Variants in SLC13A2 observed in about 807,000 individuals in gnomAD.
SLC13A2 encodes solute carrier family 13 member 2, also known as Na(+)-coupled citrate transporter.
SLC13A2 carries 40 observed loss-of-function variants against 58.5 expected under a neutral mutation model. That is an observed-to-expected ratio of 0.68 (90% CI 0.53 to 0.89). The LOEUF is 0.89. Ranked by LOEUF, SLC13A2 falls within the 40% of genes least tolerant of loss-of-function variation. The pLI is 0.00. For synonymous variants in SLC13A2, 341 were observed against 331.6 expected, an observed-to-expected ratio of 1.03 and a Z score of -0.31; for missense variants, 694 against 772.6, an observed-to-expected ratio of 0.90 and a Z score of 1.21.
intron 6 of SLC13A2, 48 bp from the exon 7 acceptor site, chr17:28,493,523 C>T: frequency 1.3e-6 from 2 of 1,507,570 alleles, no homozygotes; most frequent in Non-Finnish European, 1.8e-6. Flanking sequence ...CCCCTTGCTC[C>T]CTGCTGGAGC....
chr17:28,488,434 C>T (rs1168682907), intron 1 of SLC13A2, among the ~76,000 whole-genome samples: 1 of 152,130 alleles, frequency 6.6e-6, no homozygotes, highest in Non-Finnish European at 1.5e-5. Context: ...TGGGAAGCCT[C>T]CTGGCTAATG....
At position 28,493,639 on chromosome 17, in the gene SLC13A2, A is replaced by C; in HGVS notation, c.947A>C (p.Gln316Pro). 6.2e-7 allele frequency: 1 copy of C among 1,614,184 alleles called. No homozygotes were observed. The highest frequency in any genetic ancestry group is 8.5e-7 in the Non-Finnish European group (1 of 1,179,998). The stretch of plus-strand genomic sequence containing the variant: ...CAGCAGGCAGCCTACTGCGTCATCC[A>C]GACCGAGCACAGGCTGCTGGGCCCC... ...EQQQAAYCVIQTEHRLLGPMT... is the reference protein window; with the variant it reads ...EQQQAAYCVIPTEHRLLGPMT... Residue 316 changes from glutamine (Q) to proline (P), a missense_variant, in exon 7 of 12, where the codon CAG becomes CCG. Coordinates refer to ENST00000314669, the MANE Select transcript of SLC13A2 (RefSeq NM_003984.4).
At chr17:28,477,982 C>T (rs576859248) in intron 1 of SLC13A2, among the ~76,000 whole-genome samples, 5 of 152,066 alleles carry the variant, frequency 3.3e-5, no homozygotes, top group Middle Eastern at 3.4e-3. Flanking sequence ...CGCTTGAACC[C>T]GGGAGGCGGA....
In SLC13A2 at chr17:28,494,213, C is replaced by A; in HGVS notation, c.1186+108C>A. On this transcript the variant is annotated intron_variant, in intron 8 of 11. Coordinates refer to ENST00000314669, the MANE Select transcript of SLC13A2 (RefSeq NM_003984.4). This position sits in a 1 kb window ranked among gnomAD's most constrained non-coding sequence, Gnocchi z 4.0. ...CAGGAGTAGGCAAAGCCCAGAAAGG[C>A]TGGAGCGACTTGCCAAGGGCACAGG... The A allele has an allele frequency of 6.8e-7, 1 of 1,471,994 alleles. No individual in the cohort carries two copies. The highest frequency in any genetic ancestry group is 1.8e-5 in the Admixed American group (1 of 55,758). The allele number at this position is 1,471,994 out of a possible 1,614,324, so 91.2% of individuals were successfully genotyped here.
At position 28,495,639 on chromosome 17, in the gene SLC13A2, C is replaced by T. The variant is rs2069124151; in HGVS notation, c.1309-16C>T. On this transcript the variant is annotated splice_polypyrimidine_tract_variant and intron_variant, in intron 9 of 11. Coordinates refer to ENST00000314669, the MANE Select transcript of SLC13A2 (RefSeq NM_003984.4). ...GGCAGCCTTGCCTCTCACATGCCAT[C>T]CTCCTCTGCCCACAGCGATCGGGCC... The T allele has an allele frequency of 6.2e-7, 1 of 1,602,946 alleles. No homozygotes were observed. Among genetic ancestry groups the T allele is most frequent in the African/African-American group, 1.3e-5 (1 of 74,864 alleles).
At chr17:28,491,318 T>C in intron 4 of SLC13A2, 119 bp from the exon 5 acceptor site, 1 of 1,140,002 alleles carries the variant, frequency 8.8e-7, no homozygotes, top group Non-Finnish European at 1.3e-6. Flanking sequence ...TCTGTCCTCC[T>C]TCCAGCCCCG....
intron 4 of SLC13A2, 74 bp from the exon 5 acceptor site, chr17:28,491,363 G>A (rs1489043635): frequency 6.5e-7 from 1 of 1,528,110 alleles, no homozygotes; most frequent in Non-Finnish European, 8.9e-7. Flanking sequence ...ACCCTGGAGG[G>A]CCTTGCAGCC....
chr17:28,494,604 A>T lies in SLC13A2; in HGVS notation c.1308+92A>T. The T allele has an allele frequency of 6.4e-7, 1 of 1,562,018 alleles. No homozygotes were observed. Among genetic ancestry groups the T allele is most frequent in the Non-Finnish European group, 8.7e-7 (1 of 1,150,334 alleles). On this transcript the variant is annotated intron_variant, in intron 9 of 11. Transcript: ENST00000314669. The surrounding 1 kb of genome is among the most constrained non-coding windows in gnomAD (Gnocchi z 4.0). Reference sequence around the variant, plus strand: ...CCTGCTTCTGTCCCACAGAGGGGAGACCTGGTCCCCACGTAGGAGCCTCTC... The same window carrying T: ...CCTGCTTCTGTCCCACAGAGGGGAGTCCTGGTCCCCACGTAGGAGCCTCTC...
intron 1 of SLC13A2, among the ~76,000 whole-genome samples, chr17:28,478,048 G>A (rs541688976): frequency 6.6e-6 from 1 of 151,784 alleles, no homozygotes; most frequent in Non-Finnish European, 1.5e-5. Flanking sequence ...ACAGAGCAAG[G>A]CTCAGTCTCA....
intron 1 of SLC13A2, among the ~76,000 whole-genome samples, chr17:28,486,498 G>T (rs1273583319): frequency 6.6e-6 from 1 of 152,196 alleles, no homozygotes; most frequent in African/African-American, 2.4e-5. Context: ...TAGGAGGTGG[G>T]ATGGGGAGGC....
intron 1 of SLC13A2, among the ~76,000 whole-genome samples, chr17:28,477,186 GT>G (rs1251199584): frequency 2.5e-5 from 3 of 119,430 alleles, no homozygotes; most frequent in African/African-American, 1.0e-4. Context: ...AAACACCCAA[GT>G]TTTTTGTTTT....
rs1555603997 is a variant in SLC13A2 at position 28,493,696 on chromosome 17, T to C, written c.1004T>C (p.Leu335Pro). The C allele has an allele frequency of 1.2e-6, 2 of 1,614,252 alleles. No homozygotes were observed. The highest frequency in any genetic ancestry group is 3.3e-5 in the Admixed American group (2 of 60,030). Reference sequence around the variant, plus strand: ...TTTGCAGAAAAGGCCATCAGCATCCTATTCGTCATCCTGGTGCTGCTCTGG... The same window carrying C: ...TTTGCAGAAAAGGCCATCAGCATCCCATTCGTCATCCTGGTGCTGCTCTGG... ...MTFAEKAISI[L>P]FVILVLLWFT... is the part of the protein sequence containing the mutation. The change falls in exon 7 of 12, where the codon CTA (leucine) becomes CCA (proline). Residue 335 changes from leucine (L) to proline (P), a missense_variant. Transcript: ENST00000314669.
chr17:28,490,616 G>T (rs782142663), intron 3 of SLC13A2, 26 bp downstream of exon 3: 9 of 1,589,838 alleles, frequency 5.7e-6, no homozygotes, highest in African/African-American at 1.3e-5. Flanking sequence ...AAACCAGCAC[G>T]GGAGAACCTG....
chr17:28,487,860 C>T lies in SLC13A2; in HGVS notation c.103-1354C>T, dbSNP rs77278506. Among the ~76,000 whole-genome samples, 1,385 of 152,230 alleles carry T rather than the reference C, an allele frequency of 9.1e-3. 25 individuals are homozygous for T. Among genetic ancestry groups the T allele is most frequent in the African/African-American group, 0.031 (1,294 of 41,528 alleles). ...TTGGCTTCGGACAGATTTGGTGGGG[C>T]TATGTGCAGTTGGGCAGGCTACACA... On this transcript the variant is annotated intron_variant, in intron 1 of 11. Coordinates refer to ENST00000314669, the MANE Select transcript of SLC13A2 (RefSeq NM_003984.4).
At chr17:28,488,667 G>T (rs1555602465) in intron 1 of SLC13A2, among the ~76,000 whole-genome samples, 1 of 152,204 alleles carries the variant, frequency 6.6e-6, no homozygotes, top group Non-Finnish European at 1.5e-5. Context: ...AATGTAAATT[G>T]CTCCTCTGGA....
chr17:28,491,882 AG>A, intron 6 of SLC13A2, 30 bp downstream of exon 6: 1 of 1,610,794 alleles, frequency 6.2e-7, no homozygotes, highest in Non-Finnish European at 8.5e-7. Flanking sequence ...AGAGAAGCCC[AG>A]GTCCCTGCCC....
chr17:28,489,298 C>T lies in SLC13A2; in HGVS notation c.187C>T (p.Pro63Ser), dbSNP rs781976085. The T allele has an allele frequency of 6.2e-7, 1 of 1,614,122 alleles. No homozygotes were observed. Among genetic ancestry groups the T allele is most frequent in the Non-Finnish European group, 8.5e-7 (1 of 1,180,040 alleles). Residue 63 changes from proline (P) to serine (S), a missense_variant, in exon 2 of 12, where the codon CCC becomes TCC. Pro to Ser is a moderately conservative substitution (Grantham distance 74). Transcript: ENST00000314669. ...ALPLAVTALF[P>S]LILFPMMGIV... ...GCCCCTGGCCGTCACTGCCCTCTTC[C>T]CCTTAATCCTGTTCCCTATGATGGG...
chr17:28,482,711 T>C (rs578226886), intron 1 of SLC13A2, among the ~76,000 whole-genome samples: 1 of 152,296 alleles, frequency 6.6e-6, no homozygotes, highest in Admixed American at 6.5e-5. Flanking sequence ...CAAGAATGCA[T>C]CTTGATCTTT....
In SLC13A2 at chr17:28,489,230, A is replaced by G; in HGVS notation, c.119A>G (p.Tyr40Cys). The change falls in exon 2 of 12, where the codon TAT (tyrosine) becomes TGT (cysteine). Residue 40 changes from tyrosine to cysteine, a missense_variant. By Grantham distance (194) the Tyr-to-Cys change is radical. Coordinates refer to ENST00000314669, the MANE Select transcript of SLC13A2 (RefSeq NM_003984.4). ...LVPSKEAYCAYAIILMALFWC... is the reference protein window; with the variant it reads ...LVPSKEAYCACAIILMALFWC... ...CACCTGCAGGAGGCCTACTGCGCGT[A>G]TGCCATCATCCTCATGGCGCTCTTC... is the stretch of plus-strand genomic sequence containing the variant. The G allele has an allele frequency of 6.2e-7, 1 of 1,613,918 alleles. No homozygotes were observed. The highest frequency in any genetic ancestry group is 2.2e-5 in the East Asian group (1 of 44,876).
Sources: gnomAD v4.1 joint callset for allele counts (sites outside exome capture counted in the v4.1 genomes callset) on GRCh38, gnomAD v4.1.1 for gene constraint, Gnocchi (gnomAD v3.1) non-coding constraint, MANE v1.5 for transcripts, NCBI Gene and HGNC (gene_info 2026-07-23, HGNC 2026-07-21) for gene names.